The following TMPRSS5 variants were observed in gnomAD, a reference collection of about 807,000 sequenced individuals.
TMPRSS5 encodes the protein transmembrane protease serine 5.
A neutral mutation model predicts 59.7 loss-of-function variants in TMPRSS5; 45 were observed. The observed-to-expected ratio is 0.75, with a 90% CI of 0.59 to 0.97. The LOEUF (loss-of-function observed/expected upper bound fraction) is 0.97, where lower values mean the gene tolerates loss of function less well. Among genes scored for constraint, TMPRSS5 ranks in the 50% least tolerant of loss-of-function variants. The pLI, the probability that TMPRSS5 is intolerant of heterozygous loss-of-function variation, is 0.00. For synonymous variants in TMPRSS5, 225 were observed against 232.0 expected, an observed-to-expected ratio of 0.97 and a Z score of 0.27; for missense variants, 585 against 596.7, an observed-to-expected ratio of 0.98 and a Z score of 0.20.
At chr11:113,703,522 T>A (rs1322918098) in intron 1 of TMPRSS5, among the ~76,000 whole-genome samples, 1 of 152,176 alleles carries the variant, frequency 6.6e-6, no homozygotes, top group Non-Finnish European at 1.5e-5. Context: ...TGGAAAGGCA[T>A]GATTGTGTTT....
intron 5 of TMPRSS5, 63 bp from the exon 6 acceptor site, chr11:113,697,034 A>ACTAGTATATAGCT: frequency 7.7e-7 from 1 of 1,306,910 alleles, no homozygotes; most frequent in Non-Finnish European, 1.1e-6. Context: ...GAGATATAAT[A>ACTAGTATATAGCT]CTAGTATAGT....
At chr11:113,691,468 C>G (rs907854694) in intron 9 of TMPRSS5, among the ~76,000 whole-genome samples, 1 of 152,304 alleles carries the variant, frequency 6.6e-6, no homozygotes, top group Middle Eastern at 3.4e-3. Flanking sequence ...TACTGCCTGC[C>G]GTCCTCCCAC....
intron 9 of TMPRSS5, among the ~76,000 whole-genome samples, chr11:113,692,086 C>T (rs1591374637): frequency 6.6e-6 from 1 of 152,174 alleles, no homozygotes; most frequent in South Asian, 2.1e-4. Context: ...CGGGGTTTCA[C>T]CATGTTGGCC....
intron 9 of TMPRSS5, among the ~76,000 whole-genome samples, chr11:113,692,290 G>A (rs529221071): frequency 1.3e-5 from 2 of 152,336 alleles, no homozygotes; most frequent in South Asian, 4.1e-4. Context: ...AGGTAATGAC[G>A]GGAGGAAGGA....
chr11:113,697,137 G>A (rs1354650247), intron 5 of TMPRSS5, 146 bp downstream of exon 5: 4 of 1,298,434 alleles, frequency 3.1e-6, no homozygotes, highest in Non-Finnish European at 4.3e-6. Flanking sequence ...GGGCACCATT[G>A]TGCCCAGAGG....
chr11:113,701,784 T>A (rs1204845547), intron 1 of TMPRSS5, among the ~76,000 whole-genome samples: 2 of 152,136 alleles, frequency 1.3e-5, no homozygotes, highest in Non-Finnish European at 2.9e-5. Flanking sequence ...TCTTTCTTTT[T>A]TTTTTAATTT....
chr11:113,701,619 G>A lies in TMPRSS5; in HGVS notation c.4-1451C>T, dbSNP rs1953136497. ...CATGACCAACACAGTCAAAATATAGGACATGAAGGTCACCCCAGAAATTTT... is the reference window on the plus strand; with the variant it reads ...CATGACCAACACAGTCAAAATATAGAACATGAAGGTCACCCCAGAAATTTT... On this transcript the variant is annotated intron_variant, in intron 1 of 12. Coordinates refer to ENST00000299882, the MANE Select transcript of TMPRSS5 (RefSeq NM_030770.4). Among the ~76,000 whole-genome samples, 3 of 151,940 alleles carry A rather than the reference G, an allele frequency of 2.0e-5. No homozygotes were observed. In the South Asian group the frequency reaches 6.2e-4, roughly 32 times the overall value.
At chr11:113,699,499 A>G (rs1285379626) in intron 3 of TMPRSS5, 96 bp downstream of exon 3, 1 of 999,406 alleles carries the variant, frequency 1.0e-6, no homozygotes, top group Admixed American at 2.3e-5. Flanking sequence ...AGAGTAGTTG[A>G]GGAAGACAGT....
In TMPRSS5 at chr11:113,701,771, T is replaced by C. The variant is rs542900736; in HGVS notation, c.4-1603A>G. Among the ~76,000 whole-genome samples, 7 of 115,660 alleles carry C rather than the reference T, an allele frequency of 6.1e-5. No individual in the cohort carries two copies. The South Asian group carries it at 2.1e-3, about 34-fold the overall frequency. 75.9% of individuals were successfully genotyped at this position (115,660 alleles called of 152,430 possible). A position where few individuals can be genotyped will look rare whatever the true frequency, so the allele number is the denominator to read the frequency against. On this transcript the variant is annotated intron_variant, in intron 1 of 12. Coordinates refer to ENST00000299882, the MANE Select transcript of TMPRSS5 (RefSeq NM_030770.4). ...CATATAAATGAAACCATGTGACATA[T>C]AGTCTTTCTTTTTTTTTTAATTTTT...
intron 11 of TMPRSS5, 121 bp from the exon 12 acceptor site, chr11:113,690,038 T>C: frequency 7.8e-7 from 1 of 1,283,862 alleles, no homozygotes; most frequent in Non-Finnish European, 1.1e-6. Context: ...CTAGCTGAGA[T>C]ATCTGCTGGC....
chr11:113,695,211 A>T (rs75073912), intron 7 of TMPRSS5, among the ~76,000 whole-genome samples, 189 bp downstream of exon 7: 3,225 of 152,216 alleles, frequency 0.021, 58 homozygotes, highest in Middle Eastern at 0.075. Context: ...GACATGATGG[A>T]GGCTTAGAAA....
chr11:113,698,625 C>T (rs1952993801), intron 4 of TMPRSS5, among the ~76,000 whole-genome samples: 1 of 152,208 alleles, frequency 6.6e-6, no homozygotes, highest in African/African-American at 2.4e-5. Flanking sequence ...CCCCATGTCC[C>T]TGGCTCACTC....
At chr11:113,690,020 G>A (rs899656388) in intron 11 of TMPRSS5, 103 bp from the exon 12 acceptor site, 10 of 1,327,838 alleles carry the variant, frequency 7.5e-6, no homozygotes, top group African/African-American at 3.0e-5. Context: ...ACTGGGCCCC[G>A]CCTGCTTCTA....
intron 1 of TMPRSS5, among the ~76,000 whole-genome samples, chr11:113,703,548 A>G (rs61903082): frequency 0.076 from 11,618 of 152,242 alleles, 595 homozygotes; most frequent in Non-Finnish European, 0.11. Context: ...TGAGGACATG[A>G]GATTTGGAAG....
chr11:113,697,184 G>A lies in TMPRSS5; in HGVS notation c.464+99C>T, dbSNP rs556501486. On this transcript the variant is annotated intron_variant, in intron 5 of 12. Coordinates refer to ENST00000299882, the MANE Select transcript of TMPRSS5 (RefSeq NM_030770.4). The stretch of plus-strand genomic sequence containing the variant: ...CCAAAAAGACCTCTTGACATTTCCT[G>A]AGCACATTGACCAGTGACGGGCAGG... 236 of 1,495,358 alleles carry A rather than the reference G, an allele frequency of 1.6e-4. 3 individuals are homozygous for A. In the South Asian group the frequency reaches 2.9e-3, roughly 18 times the overall value. 92.6% of individuals were successfully genotyped at this position (1,495,358 alleles called of 1,614,324 possible).
At position 113,695,836 on chromosome 11, in the gene TMPRSS5, A is replaced by G. The variant is rs1952912628; in HGVS notation, c.579-393T>C. Among the ~76,000 whole-genome samples, 3 of 151,882 alleles carry G rather than the reference A, an allele frequency of 2.0e-5. No homozygotes were observed. The South Asian group carries it at 6.2e-4, about 32-fold the overall frequency. ...AGTGTGTGGGTGACTAGGGTTCTTCACCCCATGCTCCTTCCTAGGTTTGCT... is the reference window on the plus strand; with the variant it reads ...AGTGTGTGGGTGACTAGGGTTCTTCGCCCCATGCTCCTTCCTAGGTTTGCT... On this transcript the variant is annotated intron_variant, in intron 6 of 12. Coordinates refer to ENST00000299882, the MANE Select transcript of TMPRSS5 (RefSeq NM_030770.4).
At chr11:113,699,252 TCTCTCTCTCTCTCTCTCTCC>T (rs1953035425) in intron 3 of TMPRSS5, among the ~76,000 whole-genome samples, 4 of 53,518 alleles carry the variant, frequency 7.5e-5, no homozygotes, top group East Asian at 5.3e-4. Flanking sequence ...TCTCTCTCTC[TCTCTCTCTCTCTCTCTCTCC>T]CTCTCTCTCT....
At chr11:113,701,205 C>G (rs1490077014) in intron 1 of TMPRSS5, among the ~76,000 whole-genome samples, 1 of 152,146 alleles carries the variant, frequency 6.6e-6, no homozygotes, top group Non-Finnish European at 1.5e-5. Flanking sequence ...GTGGAAGTGA[C>G]TTTGGAATTG....
At chr11:113,699,260 T>TCTCCCCC (rs1565263673) in intron 3 of TMPRSS5, among the ~76,000 whole-genome samples, 1 of 35,948 alleles carries the variant, frequency 2.8e-5, no homozygotes, top group African/African-American at 1.5e-4. Flanking sequence ...TCTCTCTCTC[T>TCTCCCCC]CTCTCTCTCT....
Sources: allele counts gnomAD v4.1 joint callset (sites outside exome capture counted in the v4.1 genomes callset), GRCh38; gene constraint gnomAD v4.1.1; transcripts MANE v1.5; gene names NCBI Gene and HGNC (gene_info 2026-07-23, HGNC 2026-07-21).